Variants in MAGI2 observed in about 807,000 individuals in gnomAD.
MAGI2 encodes membrane-associated guanylate kinase, WW and PDZ domain-containing protein 2.
In MAGI2, 35 loss-of-function variants were observed where a neutral mutation model predicts 133.3. The observed-to-expected ratio is 0.26, with a 90% CI of 0.20 to 0.35. The LOEUF (loss-of-function observed/expected upper bound fraction) is 0.35. MAGI2 is among the 10% of genes least tolerant of loss of function. MAGI2 has a pLI of 1.00. For missense variants in MAGI2, 1,636 were observed against 1,863.4 expected (o/e 0.88, Z 2.25); for synonymous variants, 729 against 710.6 (o/e 1.03, Z -0.41).
intron 1 of MAGI2, among the ~76,000 whole-genome samples, chr7:79,132,613 G>T (rs1393996952): frequency 6.6e-6 from 1 of 152,098 alleles, no homozygotes; most frequent in African/African-American, 2.4e-5. Context: ...ATGGGTGTAA[G>T]TGTCTTTTTT....
chr7:78,083,196 G>A (rs1351582457), intron 20 of MAGI2, among the ~76,000 whole-genome samples: 2 of 151,866 alleles, frequency 1.3e-5, no homozygotes, highest in Non-Finnish European at 2.9e-5. Flanking sequence ...AAGACCAACT[G>A]TGACTCTGAT....
At chr7:78,556,199 G>A (rs142933053) in intron 3 of MAGI2, among the ~76,000 whole-genome samples, 2 of 152,232 alleles carry the variant, frequency 1.3e-5, no homozygotes, top group East Asian at 3.9e-4. Context: ...CATGAAACAT[G>A]GATAAATCGA....
intron 2 of MAGI2, among the ~76,000 whole-genome samples, chr7:78,843,405 G>A (rs1584115852): frequency 6.6e-6 from 1 of 151,810 alleles, no homozygotes. Context: ...CTCAGGTTTT[G>A]TTGAATTCAC....
chr7:78,843,575 G>T (rs1473893146), intron 2 of MAGI2, among the ~76,000 whole-genome samples: 1 of 151,600 alleles, frequency 6.6e-6, no homozygotes. Flanking sequence ...AAAATATTTG[G>T]CTTGTCTGCA....
chr7:78,385,165 A>G (rs1795266826), intron 6 of MAGI2, among the ~76,000 whole-genome samples: 1 of 152,204 alleles, frequency 6.6e-6, no homozygotes, highest in Middle Eastern at 3.2e-3. Flanking sequence ...AAAAGGAAGT[A>G]ATCCACAGAC....
At chr7:79,452,950 C>T (rs1849393274) in intron 1 of MAGI2, 70 bp downstream of exon 1, 2 of 1,472,464 alleles carry the variant, frequency 1.4e-6, no homozygotes. Context: ...TGCGCGGCCA[C>T]CCTTTCATTG....
At chr7:78,285,691 A>G (rs1225629134) in intron 9 of MAGI2, 3 of 152,144 alleles carry the variant, frequency 2.0e-5, no homozygotes, top group African/African-American at 7.2e-5. Flanking sequence ...TTAAAGTTGA[A>G]TGAGCTTATG....
At chr7:78,423,103 C>G (rs1297869750) in intron 6 of MAGI2, among the ~76,000 whole-genome samples, 3 of 152,176 alleles carry the variant, frequency 2.0e-5, no homozygotes, top group Non-Finnish European at 4.4e-5. Flanking sequence ...GGCTGCATCT[C>G]CACCCAAATC....
chr7:78,127,189 G>A lies in MAGI2; in HGVS notation c.3423+8C>T. ...TCAGGACCCACCCTGCTCTCCGGGAGGAGGTACCTGGGGTTGTCTGTAGTC... is the reference window on the plus strand; with the variant it reads ...TCAGGACCCACCCTGCTCTCCGGGAAGAGGTACCTGGGGTTGTCTGTAGTC... On this transcript the variant is annotated splice_region_variant and intron_variant, in intron 19 of 21. Coordinates refer to ENST00000354212, the MANE Select transcript of MAGI2 (RefSeq NM_012301.4). 6.4e-7 allele frequency: 1 copy of A among 1,557,432 alleles called. No individual in the cohort carries two copies. The highest frequency in any genetic ancestry group is 8.7e-7 in the Non-Finnish European group (1 of 1,155,122).
intron 2 of MAGI2, among the ~76,000 whole-genome samples, chr7:78,637,968 G>A (rs57530690): frequency 0.047 from 7,154 of 152,038 alleles, 244 homozygotes; most frequent in East Asian, 0.15. Context: ...GTCCCAAGTG[G>A]AGGATTGATT....
chr7:78,766,943 C>G (rs1028779262), intron 2 of MAGI2, among the ~76,000 whole-genome samples: 3 of 151,824 alleles, frequency 2.0e-5, no homozygotes, highest in East Asian at 1.9e-4. Context: ...ACTTTAACCT[C>G]TGATATCTGT....
chr7:78,329,525 A>G lies in MAGI2; in HGVS notation c.1408+14253T>C, dbSNP rs554719852. On this transcript the variant is annotated intron_variant, in intron 9 of 21. Transcript: ENST00000354212. ...TTTCACCGAGCACTTGCAAACCCAT[A>G]TGACAAGCTATAGGAATATGCACCA... Among the ~76,000 whole-genome samples the G allele has an allele frequency of 4.5e-4, 69 of 152,334 alleles. No individual in the cohort carries two copies. The South Asian group carries it at 0.013, about 30-fold the overall frequency.
chr7:78,918,828 T>C (rs1019920927), intron 2 of MAGI2, among the ~76,000 whole-genome samples: 2 of 152,074 alleles, frequency 1.3e-5, no homozygotes, highest in Non-Finnish European at 2.9e-5. Context: ...TTAAACATCA[T>C]ATATATACGA....
chr7:79,192,249 G>C (rs1585165316), intron 1 of MAGI2, among the ~76,000 whole-genome samples: 1 of 151,764 alleles, frequency 6.6e-6, no homozygotes, highest in South Asian at 2.1e-4. Context: ...GTATCCTACA[G>C]CTAGAATATA....
chr7:79,089,825 AC>A (rs1279559466), intron 1 of MAGI2, among the ~76,000 whole-genome samples: 2 of 152,074 alleles, frequency 1.3e-5, no homozygotes, highest in Non-Finnish European at 2.9e-5. Flanking sequence ...AGGGAACATC[AC>A]ACACTGGGGC....
chr7:78,706,153 C>G (rs758933385), intron 2 of MAGI2, among the ~76,000 whole-genome samples: 5 of 152,042 alleles, frequency 3.3e-5, no homozygotes, highest in South Asian at 2.1e-4. Flanking sequence ...TGTGTCCCCC[C>G]CCAAATCTCA....
intron 3 of MAGI2, among the ~76,000 whole-genome samples, chr7:78,600,318 A>G (rs1477444929): frequency 6.6e-6 from 1 of 152,162 alleles, no homozygotes; most frequent in Non-Finnish European, 1.5e-5. Flanking sequence ...AGAAGAAGAC[A>G]TATAGATGGA....
intron 6 of MAGI2, among the ~76,000 whole-genome samples, chr7:78,459,430 TTTAAA>T (rs1160815504): frequency 7.2e-5 from 11 of 152,232 alleles, no homozygotes; most frequent in African/African-American, 2.2e-4. Flanking sequence ...AAATGGAGTC[TTTAAA>T]TTAATTATAA....
Position 78,955,627 on chromosome 7 carries a change from TTCCC to T in MAGI2, c.418+51459_418+51462del, listed in dbSNP as rs1359511440. Among the ~76,000 whole-genome samples, 5 of 147,638 alleles carry T rather than the reference TTCCC, an allele frequency of 3.4e-5. No individual in the cohort carries two copies. The East Asian group carries it at 8.5e-4, about 25-fold the overall frequency. The stretch of plus-strand genomic sequence containing the variant: ...TTGCTTCCCTCCCTCCCTTCCTTCC[TTCCC>T]TCCCTCCTTTTCTCTCTCTCTCTCC... On this transcript the variant is annotated intron_variant, in intron 2 of 21. Transcript: ENST00000354212.
Sources: gnomAD v4.1 joint callset for allele counts (sites outside exome capture counted in the v4.1 genomes callset) on GRCh38, gnomAD v4.1.1 for gene constraint, MANE v1.5 for transcripts, NCBI Gene and HGNC (gene_info 2026-07-23, HGNC 2026-07-21) for gene names.